CNTNAP5: variants seen among roughly 807,000 people sequenced by gnomAD.
The protein encoded by CNTNAP5 is contactin-associated protein-like 5.
In CNTNAP5, 72 loss-of-function variants were observed where a neutral mutation model predicts 150.2. The observed-to-expected ratio is 0.48, with a 90% CI of 0.40 to 0.58. CNTNAP5 has a LOEUF of 0.58. Among genes scored for constraint, CNTNAP5 ranks in the 20% least tolerant of loss-of-function variants. CNTNAP5 has a pLI of 0.00. For missense variants in CNTNAP5, 1,636 were observed against 1,626.2 expected, an observed-to-expected ratio of 1.01 and a Z score of -0.10; for synonymous variants, 672 against 619.8, an observed-to-expected ratio of 1.08 and a Z score of -1.25.
At chr2:124,857,111 T>C (rs1254951960) in intron 19 of CNTNAP5, among the ~76,000 whole-genome samples, 1 of 152,058 alleles carries the variant, frequency 6.6e-6, no homozygotes, top group African/African-American at 2.4e-5. Context: ...GTTGGCCAAA[T>C]GAAGTTGTGG....
At chr2:124,399,685 A>G (rs1691354026) in intron 3 of CNTNAP5, among the ~76,000 whole-genome samples, 1 of 152,158 alleles carries the variant, frequency 6.6e-6, no homozygotes, top group South Asian at 2.1e-4. Flanking sequence ...GTCTGTGAGT[A>G]GTTTGTGGGG....
chr2:124,075,569 T>G (rs1184581023), intron 1 of CNTNAP5, among the ~76,000 whole-genome samples: 3 of 152,186 alleles, frequency 2.0e-5, no homozygotes, highest in Non-Finnish European at 2.9e-5. Context: ...ATTTAAATCT[T>G]AATCCCAGTG....
intron 10 of CNTNAP5, among the ~76,000 whole-genome samples, chr2:124,557,397 C>G (rs1444525632): frequency 6.6e-6 from 1 of 152,144 alleles, no homozygotes; most frequent in African/African-American, 2.4e-5. Flanking sequence ...TTGTGCTGCT[C>G]AAGAGCGTGC....
chr2:124,361,214 A>T (rs1326280685), intron 3 of CNTNAP5, among the ~76,000 whole-genome samples: 2 of 144,298 alleles, frequency 1.4e-5, no homozygotes, highest in Admixed American at 7.0e-5. Context: ...ATTCTTCTAA[A>T]TTTTTTTCAA....
At chr2:124,628,911 A>G (rs1188789496) in intron 12 of CNTNAP5, among the ~76,000 whole-genome samples, 5 of 152,228 alleles carry the variant, frequency 3.3e-5, no homozygotes, top group Admixed American at 6.5e-5. Context: ...AGGAGTAGCA[A>G]TCCTAGTTTC....
At chr2:124,457,553 T>C (rs2104816890) in intron 6 of CNTNAP5, among the ~76,000 whole-genome samples, 1 of 152,238 alleles carries the variant, frequency 6.6e-6, no homozygotes, top group Middle Eastern at 3.4e-3. Flanking sequence ...TTAATCAACT[T>C]TTATGTTAAG....
chr2:124,124,093 T>C (rs1347745751), intron 1 of CNTNAP5, among the ~76,000 whole-genome samples: 3 of 152,110 alleles, frequency 2.0e-5, no homozygotes, highest in African/African-American at 7.2e-5. Context: ...CTTCAGACGA[T>C]TGGTAATAAC....
intron 18 of CNTNAP5, among the ~76,000 whole-genome samples, chr2:124,790,899 C>T (rs1252414707): frequency 2.0e-5 from 3 of 151,916 alleles, no homozygotes; most frequent in African/African-American, 7.3e-5. Flanking sequence ...AGTATAAATA[C>T]GTAGGATTTT....
At chr2:124,831,306 C>G (rs1682712143) in intron 19 of CNTNAP5, among the ~76,000 whole-genome samples, 1 of 151,786 alleles carries the variant, frequency 6.6e-6, no homozygotes, top group Admixed American at 6.6e-5. Context: ...ATGTAAGCTT[C>G]TTTCTCATAC....
chr2:124,613,222 T>G (rs974566978), intron 12 of CNTNAP5, among the ~76,000 whole-genome samples: 1 of 152,226 alleles, frequency 6.6e-6, no homozygotes, highest in East Asian at 1.9e-4. Flanking sequence ...TGTTAAAACA[T>G]GAGTGACTTA....
At chr2:124,680,071 C>A (rs909980487) in intron 13 of CNTNAP5, among the ~76,000 whole-genome samples, 1 of 151,640 alleles carries the variant, frequency 6.6e-6, no homozygotes. Flanking sequence ...ATAACCTGAC[C>A]CTCAAATGAG....
intron 13 of CNTNAP5, among the ~76,000 whole-genome samples, chr2:124,723,436 G>A: frequency 6.6e-6 from 1 of 152,114 alleles, no homozygotes; most frequent in Admixed American, 6.6e-5. Flanking sequence ...GACAGTGTAA[G>A]ATCTTTCTAA....
intron 1 of CNTNAP5, among the ~76,000 whole-genome samples, chr2:124,194,868 A>G (rs1294266655): frequency 6.6e-6 from 1 of 151,964 alleles, no homozygotes; most frequent in Non-Finnish European, 1.5e-5. Context: ...ATTGGACACA[A>G]TGGTAAAAAC....
chr2:124,484,010 C>T (rs896885297), intron 7 of CNTNAP5, among the ~76,000 whole-genome samples: 1 of 152,182 alleles, frequency 6.6e-6, no homozygotes, highest in African/African-American at 2.4e-5. Flanking sequence ...TTCTGGTTTC[C>T]CATTTGGCTT....
chr2:124,325,179 G>A lies in CNTNAP5; in HGVS notation c.381+82786G>A, dbSNP rs543537062. Among the ~76,000 whole-genome samples, 9 of 152,188 alleles carry A rather than the reference G, an allele frequency of 5.9e-5. No individual in the cohort carries two copies. In the East Asian group the frequency reaches 1.7e-3, roughly 29 times the overall value. ...AAGAAACCTCGGAGAGCTGCCTAACGTTTTCAGCCATGAAAGAACATAGTC... is the reference window on the plus strand; with the variant it reads ...AAGAAACCTCGGAGAGCTGCCTAACATTTTCAGCCATGAAAGAACATAGTC... On this transcript the variant is annotated intron_variant, in intron 3 of 23. Coordinates refer to ENST00000682447, the MANE Select transcript of CNTNAP5 (RefSeq NM_001367498.1).
chr2:124,575,364 T>C (rs1696258217), intron 11 of CNTNAP5, among the ~76,000 whole-genome samples: 1 of 152,230 alleles, frequency 6.6e-6, no homozygotes, highest in South Asian at 2.1e-4. Context: ...TTAGTGGCTC[T>C]CTATAATCTT....
intron 21 of CNTNAP5, among the ~76,000 whole-genome samples, chr2:124,870,843 G>T (rs758200030): frequency 6.6e-5 from 10 of 152,010 alleles, no homozygotes; most frequent in African/African-American, 2.4e-4. Context: ...AAAGCATCAC[G>T]GGCCCCTGCT....
chr2:124,632,210 C>T (rs1677874863), intron 12 of CNTNAP5, among the ~76,000 whole-genome samples: 1 of 152,016 alleles, frequency 6.6e-6, no homozygotes, highest in Admixed American at 6.5e-5. Flanking sequence ...GGGTATATGC[C>T]CAGTGGAATG....
In CNTNAP5 at chr2:124,747,788, CTTTTTT is replaced by C. The variant is rs34959025; in HGVS notation, c.2234+427_2234+432del. Among the ~76,000 whole-genome samples the C allele has an allele frequency of 3.5e-3, 150 of 42,462 alleles. 1 individual carries two copies. In the East Asian group the frequency reaches 0.057, roughly 16 times the overall value. The allele number at this position is 42,462 out of a possible 152,430, so 27.9% of individuals were successfully genotyped here. A position where few individuals can be genotyped will look rare whatever the true frequency, so the allele number is the denominator to read the frequency against. On this transcript the variant is annotated intron_variant, in intron 14 of 23. Transcript: ENST00000682447. ...GCACATGCCACCACTCCTAACTCTT[CTTTTTT>C]TTTTTTTTTTTTTTTTTTTTTTTAG...
Sources: allele counts gnomAD v4.1 joint callset (sites outside exome capture counted in the v4.1 genomes callset), GRCh38; gene constraint gnomAD v4.1.1; transcripts MANE v1.5; gene names NCBI Gene and HGNC (gene_info 2026-07-23, HGNC 2026-07-21).